ITPR3: variants seen among roughly 807,000 people sequenced by gnomAD.
The protein encoded by ITPR3 is inositol 1,4,5-trisphosphate receptor type 3, also known as inositol 1,4,5-trisphosphate-gated calcium channel ITPR3.
ITPR3 carries 173 observed loss-of-function variants against 293.2 expected under a neutral mutation model. The observed-to-expected ratio is 0.59, with a 90% confidence interval of 0.52 to 0.67. The LOEUF (loss-of-function observed/expected upper bound fraction) is 0.67, where lower values mean the gene tolerates loss of function less well. Ranked by LOEUF, ITPR3 falls within the 30% of genes least tolerant of loss-of-function variation. The pLI is 0.00. For missense variants in ITPR3, 2,796 were observed against 3,592.1 expected, an observed-to-expected ratio of 0.78 and a Z score of 5.66; for synonymous variants, 1,295 against 1,444.4, an observed-to-expected ratio of 0.90 and a Z score of 2.35.
At chr6:33,626,463 C>T (rs765942637) in intron 1 of ITPR3, among the ~76,000 whole-genome samples, 8 of 152,182 alleles carry the variant, frequency 5.3e-5, no homozygotes, top group Non-Finnish European at 5.9e-5. Flanking sequence ...TACCTGGGGC[C>T]GGGATCCCTG....
At chr6:33,671,092 G>T in intron 20 of ITPR3, 73 bp from the exon 21 acceptor site, 3 of 1,591,040 alleles carry the variant, frequency 1.9e-6, no homozygotes, top group Non-Finnish European at 1.7e-6. Flanking sequence ...CCCAGTCCTG[G>T]CCTGCCCTCC....
At chr6:33,635,717 C>T (rs911124836) in intron 1 of ITPR3, among the ~76,000 whole-genome samples, 3 of 151,844 alleles carry the variant, frequency 2.0e-5, no homozygotes, top group African/African-American at 7.3e-5. Flanking sequence ...TGTTTGAGCC[C>T]AGATCTGAAG....
intron 7 of ITPR3, 34 bp downstream of exon 7, chr6:33,659,583 G>C (rs755091759): frequency 6.3e-7 from 1 of 1,575,206 alleles, no homozygotes; most frequent in Non-Finnish European, 8.7e-7. Flanking sequence ...TGCCCAGCTG[G>C]CCACCTAGCC....
At chr6:33,637,927 G>A (rs2151287620) in intron 1 of ITPR3, among the ~76,000 whole-genome samples, 1 of 152,142 alleles carries the variant, frequency 6.6e-6, no homozygotes, top group East Asian at 1.9e-4. Flanking sequence ...AGGATTACAG[G>A]CGTGAGCCAC....
chr6:33,661,028 C>T (rs1050636964), intron 7 of ITPR3, among the ~76,000 whole-genome samples: 3 of 152,192 alleles, frequency 2.0e-5, no homozygotes, highest in Non-Finnish European at 2.9e-5. Context: ...CTGGGGAATC[C>T]GTCATGGCTC....
Position 33,694,921 on chromosome 6 carries a change from C to G in ITPR3, c.7786-3C>G, listed in dbSNP as rs1335795464. On this transcript the variant is annotated splice_polypyrimidine_tract_variant and splice_region_variant and intron_variant, in intron 56 of 57. Transcript: ENST00000605930. ...TGCTTAACCCACTGGTGATGTTTTT[C>G]AGAACAAGAACCTGGACTGGTTCCC... 6.2e-7 allele frequency: 1 copy of G among 1,613,974 alleles called. No individual in the cohort carries two copies. The highest frequency in any genetic ancestry group is 1.3e-5 in the African/African-American group (1 of 74,924).
At chr6:33,694,612 C>T in intron 56 of ITPR3, 1 of 344,290 alleles carries the variant, frequency 2.9e-6, no homozygotes, top group Non-Finnish European at 5.4e-6. Context: ...AGAGGCCTTC[C>T]TCCACCTCTC....
Position 33,679,752 on chromosome 6 carries a change from G to T in ITPR3, c.3973-130G>T, listed in dbSNP as rs145012253. The T allele has an allele frequency of 2.5e-6, 3 of 1,214,576 alleles. No homozygotes were observed. Among genetic ancestry groups the T allele is most frequent in the Non-Finnish European group, 2.2e-6 (2 of 892,184 alleles). The allele number at this position is 1,214,576 out of a possible 1,614,324, so 75.2% of individuals were successfully genotyped here. A position where few individuals can be genotyped will look rare whatever the true frequency, so the allele number is the denominator to read the frequency against. On this transcript the variant is annotated intron_variant, in intron 30 of 57. Coordinates refer to ENST00000605930, the MANE Select transcript of ITPR3 (RefSeq NM_002224.4). The surrounding 1 kb of genome is among the most constrained non-coding windows in gnomAD (Gnocchi z 4.2). ...TGGGGAACCCCCAAATCCCAGCCAG[G>T]GGAGGGTTTTCCTGATTTCAGGTAA...
At chr6:33,678,953 C>G in intron 30 of ITPR3, 114 bp downstream of exon 30, 1 of 1,064,418 alleles carries the variant, frequency 9.4e-7, no homozygotes. Context: ...AAAAGGAACA[C>G]TCAGCTGCTG....
chr6:33,666,101 G>A lies in ITPR3; in HGVS notation c.1551+125G>A. Reference sequence around the variant, plus strand: ...ATATGGGGCACGACCACGTGCCAGGGACTTCCCTAAGTACCCCACATGTGT... The same window carrying A: ...ATATGGGGCACGACCACGTGCCAGGAACTTCCCTAAGTACCCCACATGTGT... On this transcript the variant is annotated intron_variant, in intron 14 of 57. Coordinates refer to ENST00000605930, the MANE Select transcript of ITPR3 (RefSeq NM_002224.4). This position sits in a 1 kb window ranked among gnomAD's most constrained non-coding sequence, Gnocchi z 5.1. The A allele has an allele frequency of 8.8e-7, 1 of 1,136,874 alleles. No individual in the cohort carries two copies. The highest frequency in any genetic ancestry group is 1.2e-6 in the Non-Finnish European group (1 of 819,378). 70.4% of individuals were successfully genotyped at this position (1,136,874 alleles called of 1,614,324 possible). A position where few individuals can be genotyped will look rare whatever the true frequency, so the allele number is the denominator to read the frequency against.
At chr6:33,689,009 G>A (rs1249303525) in intron 49 of ITPR3, among the ~76,000 whole-genome samples, 2 of 152,222 alleles carry the variant, frequency 1.3e-5, no homozygotes, top group African/African-American at 2.4e-5. Context: ...ATGCAGGCAC[G>A]TGCACACGCA....
intron 2 of ITPR3, among the ~76,000 whole-genome samples, chr6:33,647,097 C>T (rs1014392953): frequency 6.6e-6 from 1 of 152,058 alleles, no homozygotes; most frequent in African/African-American, 2.4e-5. Flanking sequence ...CACCATGGTT[C>T]ACTGCAACCC....
Position 33,686,137 on chromosome 6 carries a change from ACCACGGGCGG to A in ITPR3, c.5755_5764del (p.Thr1919TrpfsTer39). The A allele has an allele frequency of 6.2e-7, 1 of 1,614,166 alleles. No individual in the cohort carries two copies. The highest frequency in any genetic ancestry group is 8.5e-7 in the Non-Finnish European group (1 of 1,180,026). On this transcript the variant is annotated frameshift_variant, in exon 42 of 58. Transcript: ENST00000605930. LOFTEE classifies it high-confidence loss of function. ...GTTCCTGGACATCATGTGCGGCAGCACCACGGGCGGCCTGGGGCTGCTGGGGCTCTACATC... is the reference window on the plus strand; with the variant it reads ...GTTCCTGGACATCATGTGCGGCAGCACCTGGGGCTGCTGGGGCTCTACATC...
intron 1 of ITPR3, among the ~76,000 whole-genome samples, chr6:33,634,699 AG>A (rs1763777221): frequency 2.0e-5 from 3 of 152,088 alleles, no homozygotes; most frequent in Admixed American, 2.0e-4. Context: ...GCGGGGCTTC[AG>A]AAGCTGTGCC....
chr6:33,689,959 G>A, intron 50 of ITPR3, 75 bp from the exon 51 acceptor site: 2 of 1,557,954 alleles, frequency 1.3e-6, no homozygotes, highest in Non-Finnish European at 1.8e-6. Flanking sequence ...CTCTGAGCTG[G>A]GCACTGGGGG....
chr6:33,688,053 C>T lies in ITPR3; in HGVS notation c.6265-4C>T. The stretch of plus-strand genomic sequence containing the variant: ...CCTGACCTCCGCGCCCTCCCCACCT[C>T]CAGCTCAGCCTCAACAACAAGCAGC... On this transcript the variant is annotated splice_region_variant and splice_polypyrimidine_tract_variant and intron_variant, in intron 46 of 57. Coordinates refer to ENST00000605930, the MANE Select transcript of ITPR3 (RefSeq NM_002224.4). 6.2e-7 allele frequency: 1 copy of T among 1,612,614 alleles called. No individual in the cohort carries two copies. Among genetic ancestry groups the T allele is most frequent in the Non-Finnish European group, 8.5e-7 (1 of 1,179,106 alleles).
Position 33,673,548 on chromosome 6 carries a change from A to T in ITPR3, c.2929-43A>T, listed in dbSNP as rs566099602. The stretch of plus-strand genomic sequence containing the variant: ...AGGAAGGGCCTTCTGACCTCAGATC[A>T]GTCCTCACCCCATCCTCACCTGACC... On this transcript the variant is annotated intron_variant, in intron 22 of 57. Transcript: ENST00000605930. The T allele has an allele frequency of 5.6e-6, 9 of 1,608,712 alleles. No homozygotes were observed. In the East Asian group the frequency reaches 1.8e-4, roughly 32 times the overall value.
Position 33,688,112 on chromosome 6 carries a change from A to C in ITPR3, c.6320A>C (p.Gln2107Pro). The C allele has an allele frequency of 6.2e-7, 1 of 1,610,632 alleles. No homozygotes were observed. Among genetic ancestry groups the C allele is most frequent in the Non-Finnish European group, 8.5e-7 (1 of 1,176,928 alleles). Reference sequence around the variant, plus strand: ...ATGCTCAAGTCCTCAGCGCCAGCACAGGAGGAGGAGGAAGACCCCCTGGCC... The same window carrying C: ...ATGCTCAAGTCCTCAGCGCCAGCACCGGAGGAGGAGGAAGACCCCCTGGCC... The part of the protein sequence containing the change: ...SQMLKSSAPA[Q>P]EEEEDPLAYY... The change falls in exon 47 of 58, where the codon CAG becomes CCG. Residue 2107 changes from glutamine to proline, a missense_variant. Physicochemically the swap from Gln to Pro is moderately conservative, Grantham distance 76. Transcript: ENST00000605930.
intron 8 of ITPR3, 78 bp from the exon 9 acceptor site, chr6:33,662,833 A>G (rs993774602): frequency 2.7e-6 from 4 of 1,507,724 alleles, no homozygotes; most frequent in African/African-American, 2.8e-5. Flanking sequence ...CCACCCAGAG[A>G]TCTCCAGGCC....
Sources: allele counts gnomAD v4.1 joint callset (sites outside exome capture counted in the v4.1 genomes callset), GRCh38; gene constraint gnomAD v4.1.1; non-coding constraint Gnocchi (gnomAD v3.1); transcripts MANE v1.5; gene names NCBI Gene and HGNC (gene_info 2026-07-23, HGNC 2026-07-21).